Variants in ADAMTSL5 observed in about 807,000 individuals in gnomAD.
The protein encoded by ADAMTSL5 is ADAMTS-like protein 5.
ADAMTSL5 carries 53 observed loss-of-function variants against 51.7 expected under a neutral mutation model. The observed-to-expected ratio is 1.03, with a 90% CI of 0.82 to 1.29. The LOEUF is 1.29. Ranked by LOEUF, ADAMTSL5 falls within the 50% of genes most tolerant of loss-of-function variation. The pLI is 0.00. For synonymous variants in ADAMTSL5, 285 were observed against 278.7 expected (o/e 1.02, Z -0.23); for missense variants, 770 against 676.2 (o/e 1.14, Z -1.54).
In ADAMTSL5 at chr19:1,511,054, G is replaced by C. The variant is rs1159968786; in HGVS notation, c.-111C>G. Reference sequence around the variant, plus strand: ...GCCCTACCTCTCGTCTCTGAAAAACGGGGTAATAGAGCCTCCCTTACAGGA... The same window carrying C: ...GCCCTACCTCTCGTCTCTGAAAAACCGGGTAATAGAGCCTCCCTTACAGGA... On this transcript the variant is annotated 5_prime_UTR_variant, in exon 2 of 12. Transcript: ENST00000330475. 8 of 847,690 alleles carry C rather than the reference G, an allele frequency of 9.4e-6. No individual in the cohort carries two copies. The highest frequency in any genetic ancestry group is 8.1e-6 in the Non-Finnish European group (5 of 619,494). The allele number at this position is 847,690 out of a possible 1,614,324, so 52.5% of individuals were successfully genotyped here.
At position 1,507,364 on chromosome 19, in the gene ADAMTSL5, A is replaced by G. The variant is rs139253623; in HGVS notation, c.730T>C (p.Trp244Arg). 102 of 1,582,288 alleles carry G rather than the reference A, an allele frequency of 6.4e-5. No homozygotes were observed. Among genetic ancestry groups the G allele is most frequent in the African/African-American group, 6.3e-4 (47 of 74,244 alleles). ...GDGRYVLNGHWVVSPPGTYEA... is the reference protein window; with the variant it reads ...GDGRYVLNGHRVVSPPGTYEA... ...TAGGTCCCTGGTGGGCTGACCACCC[A>G]GTGCCCATTAAGCACGTAGCGCCCA... The change falls in exon 9 of 12, where the codon TGG (tryptophan) becomes CGG (arginine). Residue 244 changes from tryptophan (W) to arginine (R), a missense_variant. Trp to Arg is a moderately radical substitution (Grantham distance 101). Transcript: ENST00000330475.
rs1912958292 is a variant in ADAMTSL5, at chr19:1,506,822, CTCA to C, written c.956_958del (p.Leu319del). ...CTCCACCCCCCGGGGCTGAGGCTGCCTCAGGGGCCAGCCCAGGGCCTGCACACG... is the reference window on the plus strand; with the variant it reads ...CTCCACCCCCCGGGGCTGAGGCTGCCGGGGCCAGCCCAGGGCCTGCACACG... On this transcript the variant is annotated inframe_deletion, in exon 10 of 12. Coordinates refer to ENST00000330475, the MANE Select transcript of ADAMTSL5 (RefSeq NM_213604.3). This position sits in a 1 kb window ranked among gnomAD's most constrained non-coding sequence, Gnocchi z 5.6. 1.9e-6 allele frequency: 3 copies of C among 1,541,020 alleles called. No individual in the cohort carries two copies. Among genetic ancestry groups the C allele is most frequent in the Non-Finnish European group, 2.6e-6 (3 of 1,144,114 alleles).
chr19:1,508,588 C>A lies in ADAMTSL5; in HGVS notation c.362-18G>T. ...GTTGGGCGCTGAGGGCAGGAGGAGT[C>A]GGTGGGCCGGGGACCCCTGTTCGAG... is the stretch of plus-strand genomic sequence containing the variant. On this transcript the variant is annotated intron_variant, in intron 5 of 11. Transcript: ENST00000330475. 2 of 1,510,092 alleles carry A rather than the reference C, an allele frequency of 1.3e-6. No individual in the cohort carries two copies. The highest frequency in any genetic ancestry group is 2.5e-5 in the South Asian group (2 of 80,930). 93.5% of individuals were successfully genotyped at this position (1,510,092 alleles called of 1,614,324 possible). A position where few individuals can be genotyped will look rare whatever the true frequency, so the allele number is the denominator to read the frequency against.
intron 5 of ADAMTSL5, 127 bp from the exon 6 acceptor site, chr19:1,508,697 C>T: frequency 7.5e-7 from 1 of 1,334,370 alleles, no homozygotes; most frequent in Non-Finnish European, 9.8e-7. Flanking sequence ...AGCCACACAT[C>T]GAGGCTGAGG....
At chr19:1,511,606 C>T in intron 1 of ADAMTSL5, 1 of 1,278,284 alleles carries the variant, frequency 7.8e-7, no homozygotes, top group African/African-American at 1.5e-5. Context: ...CCCGCCCTCC[C>T]CACCATCACT....
intron 7 of ADAMTSL5, 132 bp from the exon 8 acceptor site, chr19:1,507,775 G>T (rs1913026364): frequency 2.9e-6 from 3 of 1,046,390 alleles, no homozygotes; most frequent in Admixed American, 4.2e-5. Flanking sequence ...CTCCGTAAAC[G>T]TTTGGAGTTA....
chr19:1,507,454 A>AC, intron 8 of ADAMTSL5, 49 bp from the exon 9 acceptor site: 1 of 1,604,094 alleles, frequency 6.2e-7, no homozygotes, highest in Non-Finnish European at 8.5e-7. Context: ...CGTCTCCCAG[A>AC]CCCTGGGGTC....
At chr19:1,512,404 G>A (rs181268541) in intron 1 of ADAMTSL5, among the ~76,000 whole-genome samples, 1 of 152,140 alleles carries the variant, frequency 6.6e-6, no homozygotes, top group Non-Finnish European at 1.5e-5. Flanking sequence ...AGGGGGGCCA[G>A]GTGCGGTGGC....
intron 4 of ADAMTSL5, 38 bp from the exon 5 acceptor site, chr19:1,510,296 C>A: frequency 6.2e-7 from 1 of 1,611,588 alleles, no homozygotes; most frequent in Non-Finnish European, 8.5e-7. Context: ...GCTGGGACAA[C>A]CCCAAGGGGC....
At chr19:1,508,621 C>A (rs553090497) in intron 5 of ADAMTSL5, 51 bp from the exon 6 acceptor site, 15 of 1,457,990 alleles carry the variant, frequency 1.0e-5, no homozygotes, top group African/African-American at 8.5e-5. Flanking sequence ...GAGCTCCAGT[C>A]CCCCTCTACC....
rs567178612 is a variant in ADAMTSL5 at position 1,512,282 on chromosome 19, A to G, written c.-218+681T>C. ...AGGGTCTAGGGTCCTGGGTATCTCT[A>G]GGTACTGAGACAGCTGTGTGGTCTG... On this transcript the variant is annotated intron_variant, in intron 1 of 11. Coordinates refer to ENST00000330475, the MANE Select transcript of ADAMTSL5 (RefSeq NM_213604.3). 2.6e-5 allele frequency among the ~76,000 whole-genome samples: 4 copies of G among 152,282 alleles called. No homozygotes were observed. The South Asian group carries it at 8.3e-4, about 32-fold the overall frequency.
chr19:1,506,173 G>A lies in ADAMTSL5; in HGVS notation c.1258C>T (p.Leu420=). The A allele has an allele frequency of 1.2e-6, 2 of 1,609,170 alleles. No individual in the cohort carries two copies. Among genetic ancestry groups the A allele is most frequent in the South Asian group, 2.2e-5 (2 of 90,632 alleles). Residue 420 remains leucine (L), a synonymous_variant, in exon 12 of 12, where the codon CTG becomes TTG. Transcript: ENST00000330475. The surrounding 1 kb of genome is among the most constrained non-coding windows in gnomAD (Gnocchi z 5.6). ...ATCAGGTAGTCCCGGTGGGGTGCCA[G>A]CATCGGGCAGGGGCAGTGGCCTGGC... ...WAPGHCPCPM[L]APHRDYLMAV...
intron 1 of ADAMTSL5, among the ~76,000 whole-genome samples, chr19:1,512,605 A>G (rs1002745815): frequency 4.6e-5 from 7 of 152,078 alleles, no homozygotes; most frequent in African/African-American, 1.2e-4. Flanking sequence ...GCTTGAACCC[A>G]GGAGGCGGAG....
Position 1,507,296 on chromosome 19 carries a change from C to T in ADAMTSL5, c.798G>A (p.Gly266=). ...GTHVVYTRDT[G]PQETLQAAGP... ...CGGCTGCTTGCAATGTCTCCTGGGG[C>T]CCTGTGTCTCGGGTGTAGACCACAT... Residue 266 remains glycine (G), a synonymous_variant, in exon 9 of 12, where the codon GGG becomes GGA. Coordinates refer to ENST00000330475, the MANE Select transcript of ADAMTSL5 (RefSeq NM_213604.3). 2 of 1,585,728 alleles carry T rather than the reference C, an allele frequency of 1.3e-6. No homozygotes were observed. The highest frequency in any genetic ancestry group is 2.7e-5 in the African/African-American group (2 of 74,036).
chr19:1,507,903 C>G (rs571301355), intron 7 of ADAMTSL5, 95 bp downstream of exon 7: 18 of 1,338,074 alleles, frequency 1.3e-5, no homozygotes, highest in Admixed American at 2.1e-5. Flanking sequence ...CTGGGCCGCA[C>G]ACTGGCCAAT....
At chr19:1,510,604 A>G (rs898274964) in intron 3 of ADAMTSL5, 35 bp downstream of exon 3, 1 of 1,498,136 alleles carries the variant, frequency 6.7e-7, no homozygotes, top group Non-Finnish European at 8.9e-7. Context: ...CCGGCGGGGG[A>G]GGAGGGGCAG....
chr19:1,506,663 T>C lies in ADAMTSL5; in HGVS notation c.1043-2A>G. On this transcript the variant is annotated splice_acceptor_variant, in intron 10 of 11. Transcript: ENST00000330475. LOFTEE classifies it high-confidence loss of function. The surrounding 1 kb of genome is among the most constrained non-coding windows in gnomAD (Gnocchi z 5.6). Reference sequence around the variant, plus strand: ...TGTCAGGGCAGGGTGGGCAGGGGTCTGTGGGATGGGCGGTGCTGTGAGGGG... The same window carrying C: ...TGTCAGGGCAGGGTGGGCAGGGGTCCGTGGGATGGGCGGTGCTGTGAGGGG... The C allele has an allele frequency of 6.2e-7, 1 of 1,603,732 alleles. No homozygotes were observed. The highest frequency in any genetic ancestry group is 8.5e-7 in the Non-Finnish European group (1 of 1,176,318).
At chr19:1,508,149 GA>G in intron 6 of ADAMTSL5, 40 bp from the exon 7 acceptor site, 1 of 1,561,294 alleles carries the variant, frequency 6.4e-7, no homozygotes, top group Non-Finnish European at 8.7e-7. Context: ...CTGACGCTGG[GA>G]GGGGCAGGAC....
At chr19:1,509,622 A>AAGGG (rs1555693309) in intron 5 of ADAMTSL5, among the ~76,000 whole-genome samples, 51 of 120,752 alleles carry the variant, frequency 4.2e-4, no homozygotes, top group African/African-American at 1.0e-3. Flanking sequence ...GGAAGGAAGG[A>AAGGG]AGGGAGGGAG....
Sources: allele counts gnomAD v4.1 joint callset (sites outside exome capture counted in the v4.1 genomes callset), GRCh38; gene constraint gnomAD v4.1.1; non-coding constraint Gnocchi (gnomAD v3.1); transcripts MANE v1.5; gene names NCBI Gene and HGNC (gene_info 2026-07-23, HGNC 2026-07-21).